The following CNTNAP2 variants were observed in gnomAD, a reference collection of about 807,000 sequenced individuals.
CNTNAP2 encodes the protein contactin-associated protein-like 2.
Under a neutral mutation model 155.2 loss-of-function variants are expected in CNTNAP2, and 98 were observed. The ratio of observed to expected loss-of-function variants is 0.63; its 90% CI spans 0.54 to 0.75. CNTNAP2 has a LOEUF of 0.75. Among genes scored for constraint, CNTNAP2 ranks in the 30% least tolerant of loss-of-function variants. The pLI is 0.00. For synonymous variants in CNTNAP2, 651 were observed against 631.2 expected, an observed-to-expected ratio of 1.03 and a Z score of -0.47; for missense variants, 1,727 against 1,688.1, an observed-to-expected ratio of 1.02 and a Z score of -0.40.
chr7:148,054,631 C>A (rs1308969221), intron 15 of CNTNAP2, among the ~76,000 whole-genome samples: 4 of 151,998 alleles, frequency 2.6e-5, no homozygotes, highest in African/African-American at 9.7e-5. Flanking sequence ...CAGAGGCCAA[C>A]TCTTTTCCTT....
chr7:147,558,276 G>A (rs570008979), intron 11 of CNTNAP2, among the ~76,000 whole-genome samples: 17 of 152,166 alleles, frequency 1.1e-4, no homozygotes, highest in Middle Eastern at 3.4e-3. Context: ...CATATTTCCA[G>A]TGAAGTGAGG....
chr7:147,128,025 C>T (rs1395002076), intron 6 of CNTNAP2, among the ~76,000 whole-genome samples: 1 of 151,970 alleles, frequency 6.6e-6, no homozygotes, highest in Non-Finnish European at 1.5e-5. Flanking sequence ...CGATAGCAGC[C>T]AGAGAAACAC....
intron 14 of CNTNAP2, among the ~76,000 whole-genome samples, chr7:147,915,194 G>A (rs1240789901): frequency 6.6e-6 from 1 of 152,118 alleles, no homozygotes; most frequent in Non-Finnish European, 1.5e-5. Flanking sequence ...ACCAAACAAA[G>A]CATCTTACTG....
At chr7:146,774,905 G>T (rs921260662) in intron 2 of CNTNAP2, among the ~76,000 whole-genome samples, 6 of 152,232 alleles carry the variant, frequency 3.9e-5, no homozygotes, top group Admixed American at 3.9e-4. Flanking sequence ...GTGAGTTCTT[G>T]ACCTTAAATC....
intron 1 of CNTNAP2, among the ~76,000 whole-genome samples, chr7:146,195,360 G>C (rs1364356873): frequency 6.6e-6 from 1 of 152,170 alleles, no homozygotes; most frequent in African/African-American, 2.4e-5. Flanking sequence ...AAGAAAATGA[G>C]AAGAGGAAAC....
chr7:146,503,564 T>C (rs892445312), intron 1 of CNTNAP2, among the ~76,000 whole-genome samples: 1 of 152,320 alleles, frequency 6.6e-6, no homozygotes, highest in Non-Finnish European at 1.5e-5. Flanking sequence ...AGGTCTTACA[T>C]GTAAGGTCTT....
chr7:148,165,055 C>G (rs1805626409), intron 17 of CNTNAP2, among the ~76,000 whole-genome samples: 1 of 152,148 alleles, frequency 6.6e-6, no homozygotes, highest in African/African-American at 2.4e-5. Context: ...TCCTCATTGT[C>G]TTGGTCTGCT....
At chr7:147,331,209 G>T (rs1795559854) in intron 9 of CNTNAP2, among the ~76,000 whole-genome samples, 1 of 152,050 alleles carries the variant, frequency 6.6e-6, no homozygotes, top group Non-Finnish European at 1.5e-5. Context: ...GGACTTTGAG[G>T]TACAATGTTC....
At position 147,545,800 on chromosome 7, in the gene CNTNAP2, C is replaced by T. The variant is rs182302740; in HGVS notation, c.1778-16338C>T. 1.1e-4 allele frequency among the ~76,000 whole-genome samples: 17 copies of T among 152,276 alleles called. No individual in the cohort carries two copies. In the East Asian group the frequency reaches 3.1e-3, roughly 28 times the overall value. On this transcript the variant is annotated intron_variant, in intron 11 of 23. Coordinates refer to ENST00000361727, the MANE Select transcript of CNTNAP2 (RefSeq NM_014141.6). The stretch of plus-strand genomic sequence containing the variant: ...TGACTGTGTCCCCACCCAAATCTCA[C>T]CTTAAATTGTAGCTCCCATAATTCC...
chr7:148,172,743 CA>C (rs1350819577), intron 18 of CNTNAP2, among the ~76,000 whole-genome samples: 1 of 152,168 alleles, frequency 6.6e-6, no homozygotes, highest in Non-Finnish European at 1.5e-5. Context: ...ACTACAAAGG[CA>C]GTCTCATTAC....
At chr7:146,659,265 G>A (rs1800044746) in intron 1 of CNTNAP2, among the ~76,000 whole-genome samples, 1 of 152,160 alleles carries the variant, frequency 6.6e-6, no homozygotes, top group African/African-American at 2.4e-5. Flanking sequence ...GGTCTAGGCA[G>A]GATATATAGA....
chr7:146,620,327 C>A (rs898566833), intron 1 of CNTNAP2, among the ~76,000 whole-genome samples: 10 of 152,160 alleles, frequency 6.6e-5, no homozygotes, highest in East Asian at 3.8e-4. Flanking sequence ...GTGCTGCCTG[C>A]TAGTTGATCC....
chr7:148,292,267 G>A (rs1006317244), intron 21 of CNTNAP2, among the ~76,000 whole-genome samples: 3 of 152,214 alleles, frequency 2.0e-5, no homozygotes, highest in African/African-American at 7.2e-5. Context: ...TTCAGGTAAA[G>A]TGAAGCTTAT....
At chr7:147,310,083 A>C (rs1795095323) in intron 9 of CNTNAP2, among the ~76,000 whole-genome samples, 2 of 152,196 alleles carry the variant, frequency 1.3e-5, no homozygotes, top group Non-Finnish European at 2.9e-5. Flanking sequence ...GAGATTGGAA[A>C]GTATTTATTA....
chr7:147,991,575 T>C (rs1349281512), intron 15 of CNTNAP2, among the ~76,000 whole-genome samples: 1 of 151,298 alleles, frequency 6.6e-6, no homozygotes, highest in African/African-American at 2.5e-5. Flanking sequence ...TATCTTTAAA[T>C]TAAGGATTAA....
chr7:147,992,747 T>A (rs1027896648), intron 15 of CNTNAP2, among the ~76,000 whole-genome samples: 3 of 152,230 alleles, frequency 2.0e-5, no homozygotes, highest in African/African-American at 7.2e-5. Context: ...GATTGCTTAA[T>A]CTTTTTATGA....
chr7:146,747,752 A>T (rs1801833487), intron 1 of CNTNAP2, among the ~76,000 whole-genome samples: 1 of 152,162 alleles, frequency 6.6e-6, no homozygotes, highest in African/African-American at 2.4e-5. Flanking sequence ...ACAAATACGG[A>T]TTCCTAAAAA....
intron 4 of CNTNAP2, among the ~76,000 whole-genome samples, chr7:147,090,959 C>A (rs1800391595): frequency 6.6e-6 from 1 of 152,048 alleles, no homozygotes; most frequent in Admixed American, 6.5e-5. Flanking sequence ...TAGGATCTAA[C>A]TTAAAATTCA....
chr7:146,341,898 T>A (rs556433868), intron 1 of CNTNAP2, among the ~76,000 whole-genome samples: 29 of 152,310 alleles, frequency 1.9e-4, no homozygotes, highest in Non-Finnish European at 4.1e-4. Flanking sequence ...TATTGTTCAT[T>A]CCTACAAATA....
Sources: allele counts gnomAD v4.1 joint callset (sites outside exome capture counted in the v4.1 genomes callset), GRCh38; gene constraint gnomAD v4.1.1; transcripts MANE v1.5; gene names NCBI Gene and HGNC (gene_info 2026-07-23, HGNC 2026-07-21).